The following CDH13 variants were observed in gnomAD, a reference collection of about 807,000 sequenced individuals.
The protein encoded by CDH13 is cadherin 13, also known as cadherin-13.
CDH13 carries 24 observed loss-of-function variants against 63.8 expected under a neutral mutation model. That is an observed-to-expected ratio of 0.38 (90% CI 0.27 to 0.53). The LOEUF (loss-of-function observed/expected upper bound fraction) is 0.53, where lower values mean the gene tolerates loss of function less well. CDH13 is among the 20% of genes least tolerant of loss of function. The probability of loss-of-function intolerance (pLI) is 0.85; values close to 1 mark genes in which losing one functional copy is unlikely to be tolerated. For missense variants in CDH13, 1,049 were observed against 903.1 expected (o/e 1.16, Z -2.07); for synonymous variants, 503 against 355.3 (o/e 1.42, Z -4.67).
chr16:82,872,203 C>T (rs1264288000), intron 2 of CDH13, among the ~76,000 whole-genome samples: 2 of 152,208 alleles, frequency 1.3e-5, no homozygotes, highest in East Asian at 3.9e-4. Flanking sequence ...AGCATACACA[C>T]AAATGGAAAT....
At chr16:83,020,446 A>T (rs1013072849) in intron 2 of CDH13, among the ~76,000 whole-genome samples, 2 of 152,096 alleles carry the variant, frequency 1.3e-5, no homozygotes, top group African/African-American at 4.8e-5. Context: ...TGTACCCCTC[A>T]AGGTGCCAAC....
At chr16:83,131,414 A>T (rs1011893066) in intron 4 of CDH13, among the ~76,000 whole-genome samples, 2 of 152,090 alleles carry the variant, frequency 1.3e-5, no homozygotes, top group African/African-American at 4.8e-5. Context: ...AGCAGGGAGG[A>T]GCTGACAGTG....
At chr16:82,807,399 A>G (rs912242292) in intron 1 of CDH13, among the ~76,000 whole-genome samples, 3 of 152,166 alleles carry the variant, frequency 2.0e-5, no homozygotes, top group African/African-American at 7.2e-5. Context: ...GGCCTAATTG[A>G]TAGGAAGAGG....
At chr16:82,733,047 A>C (rs2033482918) in intron 1 of CDH13, among the ~76,000 whole-genome samples, 1 of 152,208 alleles carries the variant, frequency 6.6e-6, no homozygotes, top group Non-Finnish European at 1.5e-5. Flanking sequence ...GGTTTATTCC[A>C]CAGGCATACT....
At chr16:83,105,200 C>T (rs2034704985) in intron 3 of CDH13, among the ~76,000 whole-genome samples, 1 of 152,126 alleles carries the variant, frequency 6.6e-6, no homozygotes, top group Non-Finnish European at 1.5e-5. Flanking sequence ...GCCTGCTTTC[C>T]CCAGGATCAC....
intron 2 of CDH13, among the ~76,000 whole-genome samples, chr16:82,973,214 C>T (rs1224883002): frequency 3.9e-5 from 6 of 152,208 alleles, no homozygotes; most frequent in Non-Finnish European, 7.3e-5. Flanking sequence ...TTCTGATGCT[C>T]ATTTTTCTTG....
At chr16:82,810,499 T>G (rs2037389276) in intron 1 of CDH13, among the ~76,000 whole-genome samples, 2 of 152,170 alleles carry the variant, frequency 1.3e-5, no homozygotes, top group Non-Finnish European at 2.9e-5. Context: ...TAAGTTCCAC[T>G]TTGGCCTGGA....
chr16:83,254,510 C>T (rs1905971612), intron 5 of CDH13, among the ~76,000 whole-genome samples: 1 of 152,176 alleles, frequency 6.6e-6, no homozygotes, highest in Non-Finnish European at 1.5e-5. Context: ...ATGTGTGGTT[C>T]TACCATAATG....
chr16:82,664,755 C>T (rs538593490), intron 1 of CDH13, among the ~76,000 whole-genome samples: 1 of 152,260 alleles, frequency 6.6e-6, no homozygotes, highest in African/African-American at 2.4e-5. Context: ...TGAGGGTTTT[C>T]TTCTACCCAG....
rs1366998156 is a variant in CDH13 at position 83,486,544 on chromosome 16, G to C, written c.849G>C (p.Arg283=). 1 of 1,613,924 alleles carries C rather than the reference G, an allele frequency of 6.2e-7. No individual in the cohort carries two copies. Among genetic ancestry groups the C allele is most frequent in the Non-Finnish European group, 8.5e-7 (1 of 1,179,844 alleles). ...CAGCCACCGATAATGCCCTCCTGCG[G>C]TATAATATCCGTCAGCAGACGCCTG... The part of the protein sequence containing the change: ...DDPATDNALL[R]YNIRQQTPDK... Residue 283 remains arginine, a synonymous_variant, in exon 7 of 14, where the codon CGG becomes CGC. Transcript: ENST00000567109.
At chr16:83,370,903 T>C (rs2091354955) in intron 6 of CDH13, among the ~76,000 whole-genome samples, 1 of 152,210 alleles carries the variant, frequency 6.6e-6, no homozygotes, top group South Asian at 2.1e-4. Context: ...TCCCTGTCTT[T>C]ACTACTGTGA....
intron 1 of CDH13, among the ~76,000 whole-genome samples, chr16:82,659,827 C>A (rs969365297): frequency 6.6e-6 from 1 of 152,156 alleles, no homozygotes; most frequent in Non-Finnish European, 1.5e-5. Flanking sequence ...CTGTGCATGG[C>A]AGGATGTCCA....
chr16:83,232,293 G>GCC (rs2040021276), intron 5 of CDH13, among the ~76,000 whole-genome samples: 1 of 145,016 alleles, frequency 6.9e-6, no homozygotes, highest in Non-Finnish European at 1.5e-5. Context: ...GGGAAGCTGA[G>GCC]GCGAGCAGAT....
intron 3 of CDH13, among the ~76,000 whole-genome samples, chr16:83,065,342 G>T (rs188921855): frequency 1.7e-3 from 258 of 152,250 alleles, no homozygotes; most frequent in African/African-American, 5.6e-3. Context: ...TTGAATGCTG[G>T]TACAAAGATG....
chr16:83,013,056 G>A (rs888285264), intron 2 of CDH13, among the ~76,000 whole-genome samples: 2 of 152,326 alleles, frequency 1.3e-5, no homozygotes, highest in South Asian at 2.1e-4. Context: ...GTGGCTTAGA[G>A]CAGATCTCTT....
intron 10 of CDH13, among the ~76,000 whole-genome samples, chr16:83,709,953 T>A (rs1330709028): frequency 6.7e-6 from 1 of 149,914 alleles, no homozygotes; most frequent in Non-Finnish European, 1.5e-5. Flanking sequence ...TCCTTCAGAG[T>A]CTTGGATTTC....
chr16:83,067,515 C>T (rs1165951717), intron 3 of CDH13, among the ~76,000 whole-genome samples: 1 of 152,240 alleles, frequency 6.6e-6, no homozygotes, highest in South Asian at 2.1e-4. Context: ...AACGTACAAA[C>T]GACAAGCATT....
intron 2 of CDH13, among the ~76,000 whole-genome samples, chr16:82,885,754 A>G (rs757342037): frequency 1.2e-4 from 18 of 152,190 alleles, no homozygotes; most frequent in Non-Finnish European, 2.5e-4. Context: ...GTCTGTATGT[A>G]TCATGCACTT....
At chr16:82,730,938 C>A (rs1341094317) in intron 1 of CDH13, among the ~76,000 whole-genome samples, 3 of 152,262 alleles carry the variant, frequency 2.0e-5, no homozygotes, top group East Asian at 1.9e-4. Context: ...GTAATATGGG[C>A]ACAAAACTGA....
Sources: allele counts gnomAD v4.1 joint callset (sites outside exome capture counted in the v4.1 genomes callset), GRCh38; gene constraint gnomAD v4.1.1; transcripts MANE v1.5; gene names NCBI Gene and HGNC (gene_info 2026-07-23, HGNC 2026-07-21).